ASCC1: variants seen among roughly 807,000 people sequenced by gnomAD.
The protein encoded by ASCC1 is ASC-1 complex subunit P50.
Under a neutral mutation model 46.6 loss-of-function variants are expected in ASCC1, and 35 were observed. The ratio of observed to expected loss-of-function variants is 0.75; its 90% confidence interval spans 0.57 to 0.99. ASCC1 has a LOEUF of 0.99. Among genes scored for constraint, ASCC1 ranks in the 50% least tolerant of loss-of-function variants. ASCC1 has a pLI of 0.00. For synonymous variants in ASCC1, 143 were observed against 146.6 expected (o/e 0.98, Z 0.18); for missense variants, 376 against 428.7 (o/e 0.88, Z 1.09).
intron 7 of ASCC1, among the ~76,000 whole-genome samples, chr10:72,150,493 G>A (rs1360439433): frequency 6.6e-6 from 1 of 152,136 alleles, no homozygotes; most frequent in Non-Finnish European, 1.5e-5. Flanking sequence ...GTGCATGTGG[G>A]GCTCTCTGTT....
chr10:72,125,936 TAGTCAATA>T (rs913939662), intron 9 of ASCC1, among the ~76,000 whole-genome samples: 23 of 152,194 alleles, frequency 1.5e-4, no homozygotes, highest in African/African-American at 4.8e-4. Flanking sequence ...AGATGGTATA[TAGTCAATA>T]AGTATTTCTG....
At chr10:72,169,807 G>C (rs557774694) in intron 5 of ASCC1, among the ~76,000 whole-genome samples, 1 of 152,258 alleles carries the variant, frequency 6.6e-6, no homozygotes, top group South Asian at 2.1e-4. Context: ...ATCCACACTA[G>C]AGGGGGTTAA....
chr10:72,210,930 A>G, intron 2 of ASCC1, 99 bp from the exon 3 acceptor site: 1 of 1,047,848 alleles, frequency 9.5e-7, no homozygotes, highest in African/African-American at 1.6e-5. Flanking sequence ...TAAAAAAAGC[A>G]ATACACAGGC....
chr10:72,168,210 TA>T (rs202129254), intron 5 of ASCC1, among the ~76,000 whole-genome samples: 3,621 of 151,600 alleles, frequency 0.024, 173 homozygotes, highest in African/African-American at 0.084. Flanking sequence ...AATAAATAAA[TA>T]AAATAAAATA....
chr10:72,160,381 T>A (rs1302502590), intron 6 of ASCC1, among the ~76,000 whole-genome samples: 4 of 152,156 alleles, frequency 2.6e-5, no homozygotes. Context: ...CTCTCTTTTG[T>A]CAATCTTAAG....
chr10:72,193,763 A>G (rs1854920990), intron 5 of ASCC1, among the ~76,000 whole-genome samples: 1 of 152,162 alleles, frequency 6.6e-6, no homozygotes, highest in Admixed American at 6.6e-5. Flanking sequence ...TTAAAAAGTT[A>G]AAGTCTTACC....
At chr10:72,205,077 G>A (rs780026714) in intron 3 of ASCC1, among the ~76,000 whole-genome samples, 3 of 152,216 alleles carry the variant, frequency 2.0e-5, no homozygotes, top group East Asian at 1.9e-4. Flanking sequence ...AGAGGCTGAC[G>A]CAGAAGGATC....
chr10:72,162,116 T>C (rs1849765609), intron 5 of ASCC1, among the ~76,000 whole-genome samples: 2 of 152,172 alleles, frequency 1.3e-5, no homozygotes. Flanking sequence ...ATCCGGAATA[T>C]ATAAAGAACT....
At chr10:72,184,789 C>CA (rs748889579) in intron 5 of ASCC1, among the ~76,000 whole-genome samples, 15,106 of 99,064 alleles carry the variant, frequency 0.15, 2,104 homozygotes, top group African/African-American at 0.4. Context: ...GACTCTATCT[C>CA]AAAAAAAAAA....
chr10:72,096,626 A>T lies in ASCC1; in HGVS notation c.*708T>A. 2.2e-6 allele frequency: 1 copy of T among 454,124 alleles called. No homozygotes were observed. The highest frequency in any genetic ancestry group is 4.4e-6 in the Non-Finnish European group (1 of 226,768). 28.1% of individuals were successfully genotyped at this position (454,124 alleles called of 1,614,324 possible). A position where few individuals can be genotyped will look rare whatever the true frequency, so the allele number is the denominator to read the frequency against. On this transcript the variant is annotated 3_prime_UTR_variant, in exon 10 of 10. Transcript: ENST00000672957. The stretch of plus-strand genomic sequence containing the variant: ...GAGATATTTGCACCCCCGTGTCTGT[A>T]TTAGCACTACTCCCAATAGTCAAGA...
intron 7 of ASCC1, chr10:72,133,797 G>A (rs1845874903): frequency 6.1e-6 from 1 of 163,116 alleles, no homozygotes; most frequent in African/African-American, 2.4e-5. Context: ...AGCTACAGAG[G>A]TCAGTCAGCT....
chr10:72,205,066 G>A (rs1235818116), intron 3 of ASCC1, among the ~76,000 whole-genome samples: 1 of 152,242 alleles, frequency 6.6e-6, no homozygotes, highest in East Asian at 1.9e-4. Context: ...AAAATGAAGT[G>A]AGAGGCTGAC....
chr10:72,168,091 T>C (rs1850596126), intron 5 of ASCC1, among the ~76,000 whole-genome samples: 1 of 152,134 alleles, frequency 6.6e-6, no homozygotes, highest in Admixed American at 6.6e-5. Context: ...CTCAGGAGGC[T>C]GAGGCAGCAG....
At chr10:72,170,203 C>A (rs73274936) in intron 5 of ASCC1, among the ~76,000 whole-genome samples, 2,533 of 151,776 alleles carry the variant, frequency 0.017, 82 homozygotes, top group African/African-American at 0.058. Context: ...AGAATATTTG[C>A]ATAGTCTTAA....
intron 7 of ASCC1, among the ~76,000 whole-genome samples, chr10:72,137,610 G>A (rs567340722): frequency 6.6e-6 from 1 of 151,126 alleles, no homozygotes; most frequent in African/African-American, 2.4e-5. Flanking sequence ...GAGAGATGTT[G>A]TGCTTCCTTA....
At chr10:72,170,593 CAAAAAAAAAAA>C (rs1038487604) in intron 5 of ASCC1, among the ~76,000 whole-genome samples, 2 of 58,868 alleles carry the variant, frequency 3.4e-5, no homozygotes, top group South Asian at 5.8e-4. Context: ...GACTGTATCT[CAAAAAAAAAAA>C]AAAAAAAAAG....
chr10:72,128,238 A>C (rs1406053953), intron 8 of ASCC1, 71 bp from the exon 9 acceptor site: 1 of 1,401,768 alleles, frequency 7.1e-7, no homozygotes. Flanking sequence ...TTCTATAGGT[A>C]CATAGGTACG....
chr10:72,179,018 A>G (rs1852218298), intron 5 of ASCC1, among the ~76,000 whole-genome samples: 1 of 152,170 alleles, frequency 6.6e-6, no homozygotes, highest in African/African-American at 2.4e-5. Context: ...CTTAGATAAT[A>G]TCTGATCCAT....
chr10:72,173,009 T>G (rs559215114), intron 5 of ASCC1, among the ~76,000 whole-genome samples: 1 of 140,140 alleles, frequency 7.1e-6, no homozygotes, highest in Non-Finnish European at 1.5e-5. Context: ...ATATTTCTTA[T>G]ATTTTTTTAT....
Sources: gnomAD v4.1 joint callset for allele counts (sites outside exome capture counted in the v4.1 genomes callset) on GRCh38, gnomAD v4.1.1 for gene constraint, MANE v1.5 for transcripts, NCBI Gene and HGNC (gene_info 2026-07-23, HGNC 2026-07-21) for gene names.